SHF: variants seen among roughly 807,000 people sequenced by gnomAD.
SHF encodes the protein Src homology 2 domain containing F.
A neutral mutation model predicts 42.4 loss-of-function variants in SHF; 30 were observed. That is an observed-to-expected ratio of 0.71 (90% CI 0.53 to 0.96). The LOEUF (loss-of-function observed/expected upper bound fraction) is 0.96. SHF is among the 40% of genes least tolerant of loss of function. The pLI is 0.00. For missense variants in SHF, 598 were observed against 634.0 expected, an observed-to-expected ratio of 0.94 and a Z score of 0.61; for synonymous variants, 264 against 269.9, an observed-to-expected ratio of 0.98 and a Z score of 0.21.
Position 45,187,769 on chromosome 15 carries a change from G to C in SHF, c.183C>G (p.Gly61=). 1 of 874,312 alleles carries C rather than the reference G, an allele frequency of 1.1e-6. No homozygotes were observed. The highest frequency in any genetic ancestry group is 4.6e-5 in the Admixed American group (1 of 21,690). 54.2% of individuals were successfully genotyped at this position (874,312 alleles called of 1,614,324 possible). Residue 61 remains glycine (G), a synonymous_variant, in exon 1 of 7, where the codon GGC becomes GGG. Transcript: ENST00000690270. ...CCGGCTTGCTGCCCCCTCCGCCGCC[G>C]CCCCCCCCGCGGAAGCCCAGGTGCT... is the stretch of plus-strand genomic sequence containing the variant. ...LREHLGFRGG[G]GGGGGSKPAP...
chr15:45,167,614 G>T lies in SHF; in HGVS notation c.*333C>A. 5.0e-6 allele frequency: 1 copy of T among 199,732 alleles called. No individual in the cohort carries two copies. Among genetic ancestry groups the T allele is most frequent in the African/African-American group, 2.3e-5 (1 of 43,454 alleles). 12.4% of individuals were successfully genotyped at this position (199,732 alleles called of 1,614,324 possible). On this transcript the variant is annotated 3_prime_UTR_variant, in exon 7 of 7. Coordinates refer to ENST00000690270, the MANE Select transcript of SHF (RefSeq NM_001394037.1). Reference sequence around the variant, plus strand: ...CGGACCCAGTGGGGAGAGGGTGGTGGTGGTGGAGGTCACCACCTCTGCCCT... The same window carrying T: ...CGGACCCAGTGGGGAGAGGGTGGTGTTGGTGGAGGTCACCACCTCTGCCCT...
At chr15:45,201,084 A>G in exon 1 of SHF, 1 of 341,552 alleles carries the variant, frequency 2.9e-6, no homozygotes, top group South Asian at 2.3e-5. Flanking sequence ...GGAAAGCTGG[A>G]ATGGCCGCCA....
At position 45,195,997 on chromosome 15, in the gene SHF, T is replaced by C. The variant is rs533512964; in HGVS notation, c.303+2775A>G. On this transcript the variant is annotated intron_variant, in intron 2 of 7. Transcript: ENST00000290894. ...TGGGCCAAGTTTTGTTTTGCCTATATAGTTTTGGTCAACTCAGTGTTTAAA... is the reference window on the plus strand; with the variant it reads ...TGGGCCAAGTTTTGTTTTGCCTATACAGTTTTGGTCAACTCAGTGTTTAAA... 1.4e-4 allele frequency among the ~76,000 whole-genome samples: 21 copies of C among 152,342 alleles called. 1 individual carries two copies. The highest frequency in any genetic ancestry group is 1.4e-3 in the Admixed American group (21 of 15,308).
intron 6 of SHF, among the ~76,000 whole-genome samples, chr15:45,168,706 G>A (rs1897333269): frequency 6.6e-6 from 1 of 152,234 alleles, no homozygotes; most frequent in African/African-American, 2.4e-5. Context: ...CTCCTCCTGG[G>A]GATATCCCTT....
intron 2 of SHF, among the ~76,000 whole-genome samples, chr15:45,195,299 T>G (rs1000574303): frequency 6.6e-6 from 1 of 152,222 alleles, no homozygotes; most frequent in African/African-American, 2.4e-5. Flanking sequence ...TTTGGTGAGA[T>G]TCTCAAAAGT....
chr15:45,190,823 G>A, upstream of SHF, among the ~76,000 whole-genome samples: 1 of 152,138 alleles, frequency 6.6e-6, no homozygotes, highest in Admixed American at 6.5e-5. Context: ...ATGTCATAAA[G>A]GCAGGGTTTA....
At chr15:45,199,827 G>A (rs1197866137) in intron 1 of SHF, 1 of 151,946 alleles carries the variant, frequency 6.6e-6, no homozygotes, top group Non-Finnish European at 1.5e-5. Context: ...GGTGGCGGGT[G>A]CCTGTAGTCC....
intron 6 of SHF, chr15:45,170,486 G>A (rs188798797): frequency 0.01 from 12,807 of 1,248,762 alleles, 82 homozygotes; most frequent in Non-Finnish European, 0.012. Context: ...ATGACAGCTG[G>A]AAAAAAAGCG....
chr15:45,168,198 AG>A (rs888175802), intron 6 of SHF, 65 bp from the exon 7 acceptor site: 6 of 1,445,006 alleles, frequency 4.2e-6, no homozygotes, highest in African/African-American at 1.4e-5. Context: ...CCATCCACCC[AG>A]TAACCCTCCC....
At chr15:45,173,475 G>A in intron 4 of SHF, 101 bp downstream of exon 4, 1 of 1,409,812 alleles carries the variant, frequency 7.1e-7, no homozygotes, top group Non-Finnish European at 9.2e-7. Context: ...TCTTCCTGGG[G>A]TCTCCAAATC....
chr15:45,188,087 C>T (rs1397923123), upstream of SHF: 2 of 337,974 alleles, frequency 5.9e-6, no homozygotes, highest in East Asian at 5.9e-5. Context: ...GGGCTCCGCT[C>T]CCTAACAGGG....
At chr15:45,173,490 C>T (rs1897629223) in intron 4 of SHF, 86 bp downstream of exon 4, 13 of 1,422,910 alleles carry the variant, frequency 9.1e-6, no homozygotes, top group Non-Finnish European at 1.1e-5. Flanking sequence ...CAAATCCTGC[C>T]CCACCTCTCA....
At chr15:45,190,958 C>A (rs1398454269), upstream of SHF, among the ~76,000 whole-genome samples, 1 of 152,204 alleles carries the variant, frequency 6.6e-6, no homozygotes, top group East Asian at 1.9e-4. Flanking sequence ...AGTTTGAGCA[C>A]CTCATGGAGT....
At chr15:45,171,282 C>T (rs946106636) in intron 6 of SHF, 1 of 153,816 alleles carries the variant, frequency 6.5e-6, no homozygotes, top group African/African-American at 2.4e-5. Context: ...GAGGGAGGGC[C>T]TTGCCTCCTC....
intron 2 of SHF, 125 bp from the exon 3 acceptor site, chr15:45,175,550 G>T: frequency 1.1e-6 from 1 of 936,348 alleles, no homozygotes; most frequent in Non-Finnish European, 1.6e-6. Context: ...TCTGGGGGGA[G>T]CTCAGCAACC....
At chr15:45,198,895 C>T (rs1317604113) in exon 2 of SHF, 2 of 1,613,966 alleles carry the variant, frequency 1.2e-6, no homozygotes, top group South Asian at 1.1e-5. Context: ...AGATGGGCTC[C>T]CGGTGAGCGC....
chr15:45,197,225 G>A (rs1809982800), intron 2 of SHF, among the ~76,000 whole-genome samples: 1 of 143,752 alleles, frequency 7.0e-6, no homozygotes, highest in South Asian at 2.2e-4. Context: ...CACCAGCCTG[G>A]GTGACAGAGC....
At chr15:45,172,397 C>T in intron 4 of SHF, 79 bp from the exon 5 acceptor site, 1 of 1,391,290 alleles carries the variant, frequency 7.2e-7, no homozygotes, top group Non-Finnish European at 9.6e-7. Flanking sequence ...CAGTGCCCAA[C>T]CCCTACTTCT....
chr15:45,173,810 A>G (rs1490674353), intron 3 of SHF, 94 bp from the exon 4 acceptor site: 22 of 1,374,688 alleles, frequency 1.6e-5, no homozygotes, highest in Non-Finnish European at 1.9e-5. Context: ...GCCAGGACAC[A>G]GGACAGCCTA....
Sources: gnomAD v4.1 joint callset for allele counts (sites outside exome capture counted in the v4.1 genomes callset) on GRCh38, gnomAD v4.1.1 for gene constraint, MANE v1.5 for transcripts, NCBI Gene and HGNC (gene_info 2026-07-23, HGNC 2026-07-21) for gene names.